MID1: variants seen among roughly 807,000 people sequenced by gnomAD.
MID1 encodes the protein midline 1.
Under a neutral mutation model 40.4 loss-of-function variants are expected in MID1, and 7 were observed. The observed-to-expected ratio is 0.17, with a 90% CI of 0.10 to 0.33. The LOEUF (loss-of-function observed/expected upper bound fraction) is 0.33, where lower values mean the gene tolerates loss of function less well. MID1 is among the 10% of genes least tolerant of loss of function. The pLI is 1.00. For missense variants in MID1, 367 were observed against 558.5 expected, an observed-to-expected ratio of 0.66 and a Z score of 3.46; for synonymous variants, 229 against 221.2, an observed-to-expected ratio of 1.04 and a Z score of -0.31.
At chrX:10,669,349 C>T (rs745910430) in intron 1 of MID1, among the ~76,000 whole-genome samples, 43 of 110,431 alleles carry the variant, frequency 3.9e-4, no homozygotes, top group African/African-American at 1.4e-3. Flanking sequence ...CACCTTCAAG[C>T]ATTGCCATTA....
intron 1 of MID1, among the ~76,000 whole-genome samples, chrX:10,584,320 A>G (rs2067923167): frequency 8.9e-6 from 1 of 112,600 alleles, no homozygotes; most frequent in African/African-American, 3.2e-5. Context: ...GGTATTCAGA[A>G]TTACCTGAAT....
rs1486145790 is a variant in MID1 at position 10,469,817 on chromosome X, C to T, written c.1165G>A (p.Glu389Lys). The T allele has an allele frequency of 8.3e-7, 1 of 1,209,392 alleles. No homozygotes were observed. Among genetic ancestry groups the T allele is most frequent in the African/African-American group, 1.8e-5 (1 of 57,013 alleles). Residue 389 changes from glutamate (E) to lysine (K), a missense_variant, in exon 7 of 10, where the codon GAA (glutamate) becomes AAA (lysine). Around this residue, in one of 3 missense-constraint regions of MID1, gnomAD observed 275 missense variants for 383.1 expected, o/e 0.72. Transcript: ENST00000317552. ...LTAPNPPTIREELCTASYDTI... is the reference protein window; with the variant it reads ...LTAPNPPTIRKELCTASYDTI... The stretch of plus-strand genomic sequence containing the variant: ...TCATATGAAGCTGTGCAGAGCTCTT[C>T]TCTAATTGTGGGAGGGTTGGGAGCT...
intron 1 of MID1, among the ~76,000 whole-genome samples, chrX:10,718,660 C>T (rs1244448050): frequency 9.0e-6 from 1 of 111,526 alleles, no homozygotes; most frequent in Non-Finnish European, 1.9e-5. Context: ...CGATTCCAAT[C>T]AATAGAAAAA....
chrX:10,655,346 T>C (rs2042863334), intron 1 of MID1, among the ~76,000 whole-genome samples: 1 of 111,362 alleles, frequency 9.0e-6, no homozygotes, highest in Non-Finnish European at 1.9e-5. Context: ...TAAGCTTTAG[T>C]TGCAGGATTT....
intron 1 of MID1, among the ~76,000 whole-genome samples, chrX:10,787,957 A>T (rs1207907586): frequency 9.0e-6 from 1 of 111,070 alleles, no homozygotes; most frequent in East Asian, 2.8e-4. Flanking sequence ...CACAGTTCTT[A>T]ATTTAATGGT....
intron 1 of MID1, among the ~76,000 whole-genome samples, chrX:10,588,930 C>T (rs890481309): frequency 1.3e-4 from 15 of 111,726 alleles, no homozygotes; most frequent in Non-Finnish European, 2.4e-4. Flanking sequence ...TTAAGTTCTC[C>T]TGGTGTCATA....
intron 1 of MID1, among the ~76,000 whole-genome samples, chrX:10,673,291 A>G (rs1313015537): frequency 2.7e-5 from 3 of 111,378 alleles, no homozygotes; most frequent in African/African-American, 9.8e-5. Flanking sequence ...TCGGTATAGA[A>G]ACCTAGATCT....
intron 2 of MID1, among the ~76,000 whole-genome samples, chrX:10,547,585 A>G (rs753278149): frequency 9.4e-6 from 1 of 105,968 alleles, no homozygotes; most frequent in Admixed American, 1.0e-4. Context: ...AAAAAAAAAA[A>G]AAAAAAAAAG....
chrX:10,487,244 C>T (rs976376734), intron 4 of MID1, among the ~76,000 whole-genome samples: 3 of 111,347 alleles, frequency 2.7e-5, no homozygotes, highest in African/African-American at 9.8e-5. Flanking sequence ...AAGACCCTCT[C>T]AAATTTAGAG....
intron 1 of MID1, among the ~76,000 whole-genome samples, chrX:10,604,828 A>C (rs1935595126): frequency 8.9e-6 from 1 of 112,683 alleles, no homozygotes. Flanking sequence ...GCACATATGC[A>C]ACAGATAGGT....
intron 1 of MID1, among the ~76,000 whole-genome samples, chrX:10,669,151 G>A (rs930048572): frequency 7.7e-5 from 8 of 103,897 alleles, no homozygotes; most frequent in Admixed American, 6.2e-4. Flanking sequence ...CCCGGGAAGC[G>A]GAGCTTGCAG....
At chrX:10,794,006 T>A (rs2043952290) in intron 1 of MID1, among the ~76,000 whole-genome samples, 1 of 111,537 alleles carries the variant, frequency 9.0e-6, no homozygotes, top group Non-Finnish European at 1.9e-5. Context: ...CCCTGCCACT[T>A]CTCTGTCCAC....
At chrX:10,733,371 G>A (rs1464576996) in intron 1 of MID1, among the ~76,000 whole-genome samples, 1 of 111,607 alleles carries the variant, frequency 9.0e-6, no homozygotes, top group Non-Finnish European at 1.9e-5. Flanking sequence ...AAAAATCAGA[G>A]GCAAACATCT....
chrX:10,499,066 C>G (rs984537183), intron 3 of MID1, among the ~76,000 whole-genome samples: 1 of 112,262 alleles, frequency 8.9e-6, no homozygotes, highest in African/African-American at 3.2e-5. Context: ...ATCAGAAATA[C>G]ATGAGGGTTC....
At chrX:10,802,912 A>C (rs2044019008) in intron 1 of MID1, among the ~76,000 whole-genome samples, 1 of 111,988 alleles carries the variant, frequency 8.9e-6, no homozygotes, top group African/African-American at 3.2e-5. Context: ...CCCTAAGTCA[A>C]TTAACATAGG....
chrX:10,706,134 T>C (rs1336389821), intron 1 of MID1, among the ~76,000 whole-genome samples: 2 of 110,553 alleles, frequency 1.8e-5, no homozygotes, highest in Admixed American at 9.6e-5. Flanking sequence ...GTTGTGACAA[T>C]AAAAAATGTC....
chrX:10,696,118 C>T (rs1367325694), intron 1 of MID1, among the ~76,000 whole-genome samples: 1 of 111,444 alleles, frequency 9.0e-6, no homozygotes, highest in Non-Finnish European at 1.9e-5. Context: ...TCATCAGCAG[C>T]TTCCTGATAA....
At chrX:10,832,737 A>AT (rs1211523299) in intron 1 of MID1, among the ~76,000 whole-genome samples, 1 of 111,741 alleles carries the variant, frequency 8.9e-6, no homozygotes, top group African/African-American at 3.3e-5. Flanking sequence ...CAGCTGAAAC[A>AT]TTTTTTTTCC....
intron 1 of MID1, among the ~76,000 whole-genome samples, chrX:10,799,782 T>G (rs1175712111): frequency 1.8e-5 from 2 of 111,826 alleles, no homozygotes; most frequent in Admixed American, 1.9e-4. Context: ...TTACAACTGC[T>G]AGGCAAAGCC....
Sources: gnomAD v4.1 joint callset for allele counts (sites outside exome capture counted in the v4.1 genomes callset) on GRCh38, gnomAD v4.1.1 for gene constraint, gnomAD v4.1.1 regional missense constraint, MANE v1.5 for transcripts, NCBI Gene and HGNC (gene_info 2026-07-23, HGNC 2026-07-21) for gene names.